The following TAOK3 variants were observed in gnomAD, a reference collection of about 807,000 sequenced individuals.
TAOK3 encodes serine/threonine-protein kinase TAO3.
TAOK3 carries 40 observed loss-of-function variants against 120.4 expected under a neutral mutation model. That is an observed-to-expected ratio of 0.33 (90% CI 0.26 to 0.43). The LOEUF is 0.43. Among genes scored for constraint, TAOK3 ranks in the 20% least tolerant of loss-of-function variants. The pLI is 1.00. For missense variants in TAOK3, 821 were observed against 1,112.1 expected (o/e 0.74, Z 3.72); for synonymous variants, 355 against 387.5 (o/e 0.92, Z 0.99).
intron 1 of TAOK3, among the ~76,000 whole-genome samples, chr12:118,300,074 T>A (rs1307688762): frequency 6.6e-6 from 1 of 152,246 alleles, no homozygotes; most frequent in Non-Finnish European, 1.5e-5. Context: ...CAATTGCTTC[T>A]GTGCTAGGTC....
intron 12 of TAOK3, 98 bp from the exon 13 acceptor site, chr12:118,199,355 G>T: frequency 1.0e-6 from 1 of 968,732 alleles, no homozygotes. Context: ...GCAGTGTCAA[G>T]TTGCTTTTCT....
At chr12:118,267,840 G>A (rs976594423) in intron 1 of TAOK3, among the ~76,000 whole-genome samples, 3 of 139,950 alleles carry the variant, frequency 2.1e-5, no homozygotes, top group Non-Finnish European at 3.0e-5. Context: ...AGCCGAGATC[G>A]CACCACTGCA....
rs532157371 is a variant in TAOK3 at position 118,241,004 on chromosome 12, T to G, written c.295-1732A>C. On this transcript the variant is annotated intron_variant, in intron 5 of 20. Coordinates refer to ENST00000392533, the MANE Select transcript of TAOK3 (RefSeq NM_016281.4). Reference sequence around the variant, plus strand: ...ATAAATATCAATATATATGAACATATTATAAATATAAGTATACTGTGTCTA... The same window carrying G: ...ATAAATATCAATATATATGAACATAGTATAAATATAAGTATACTGTGTCTA... 2.0e-5 allele frequency among the ~76,000 whole-genome samples: 3 copies of G among 149,338 alleles called. No homozygotes were observed. In the South Asian group the frequency reaches 6.3e-4, roughly 31 times the overall value.
intron 9 of TAOK3, among the ~76,000 whole-genome samples, chr12:118,224,324 AC>A (rs916915608): frequency 2.6e-4 from 39 of 152,300 alleles, no homozygotes; most frequent in Admixed American, 2.3e-3. Context: ...ACTAAATATA[AC>A]CCCTTCTCCC....
intron 9 of TAOK3, among the ~76,000 whole-genome samples, chr12:118,216,997 T>C (rs897321682): frequency 6.6e-6 from 1 of 151,932 alleles, no homozygotes; most frequent in South Asian, 2.1e-4. Context: ...CTCTTTCTAC[T>C]GTGCTTACCC....
chr12:118,292,434 T>C (rs965340748), intron 1 of TAOK3, among the ~76,000 whole-genome samples: 3 of 152,190 alleles, frequency 2.0e-5, no homozygotes, highest in African/African-American at 7.2e-5. Flanking sequence ...CCTAGTTTAA[T>C]GTAATCAACA....
intron 1 of TAOK3, among the ~76,000 whole-genome samples, chr12:118,312,400 C>T (rs889717321): frequency 6.6e-6 from 1 of 152,102 alleles, no homozygotes; most frequent in Admixed American, 6.6e-5. Flanking sequence ...ATAAACAATG[C>T]TAAGATTTTA....
At chr12:118,164,171 A>C (rs936382925) in intron 17 of TAOK3, among the ~76,000 whole-genome samples, 1 of 151,260 alleles carries the variant, frequency 6.6e-6, no homozygotes, top group African/African-American at 2.4e-5. Flanking sequence ...AAAATACAAA[A>C]AAAAAATTAG....
intron 1 of TAOK3, among the ~76,000 whole-genome samples, chr12:118,275,986 G>A (rs1161759317): frequency 6.6e-6 from 1 of 152,146 alleles, no homozygotes; most frequent in Non-Finnish European, 1.5e-5. Context: ...GCGTGGGTAA[G>A]GGAAAGTGAA....
chr12:118,348,504 G>A (rs1380397322), intron 1 of TAOK3, among the ~76,000 whole-genome samples: 2 of 151,026 alleles, frequency 1.3e-5, no homozygotes, highest in Admixed American at 1.3e-4. Flanking sequence ...AGGCTGGAGT[G>A]CAGTGGCACA....
intron 8 of TAOK3, among the ~76,000 whole-genome samples, chr12:118,234,408 C>T (rs2039932464): frequency 3.3e-5 from 5 of 151,138 alleles, no homozygotes. Context: ...CCATGCCTGA[C>T]TAATTTTTTG....
intron 5 of TAOK3, among the ~76,000 whole-genome samples, chr12:118,242,726 G>A (rs1050411450): frequency 1.6e-4 from 24 of 152,030 alleles, no homozygotes; most frequent in Admixed American, 1.6e-3. Flanking sequence ...TGGGTGTGGT[G>A]GCATGTGCCT....
intron 1 of TAOK3, among the ~76,000 whole-genome samples, chr12:118,368,843 A>G (rs140233595): frequency 1.3e-5 from 2 of 150,452 alleles, no homozygotes; most frequent in African/African-American, 4.8e-5. Context: ...AATGAAAAAA[A>G]AAAAGAAAAT....
At position 118,235,685 on chromosome 12, in the gene TAOK3, A is replaced by AG; in HGVS notation, c.438-15_438-14insC. The AG allele has an allele frequency of 6.4e-7, 1 of 1,553,874 alleles. No individual in the cohort carries two copies. Among genetic ancestry groups the AG allele is most frequent in the Non-Finnish European group, 8.8e-7 (1 of 1,132,540 alleles). On this transcript the variant is annotated splice_polypyrimidine_tract_variant and intron_variant, in intron 7 of 20. Transcript: ENST00000392533. ...GCTTTAATATCCCTATAGGAAAAAA[A>AG]AAAAGGGTTAGAAAATTACTTTTCA...
intron 1 of TAOK3, among the ~76,000 whole-genome samples, chr12:118,298,399 T>A (rs1354482000): frequency 1.3e-5 from 2 of 152,136 alleles, no homozygotes; most frequent in Non-Finnish European, 2.9e-5. Context: ...ATTGCAAGGC[T>A]CAAGATGAAG....
chr12:118,368,665 G>C (rs2045811307), intron 1 of TAOK3, among the ~76,000 whole-genome samples: 1 of 150,798 alleles, frequency 6.6e-6, no homozygotes, highest in Non-Finnish European at 1.5e-5. Flanking sequence ...CATTAGCCGG[G>C]TGTGGTGGCG....
At position 118,150,772 on chromosome 12, in the gene TAOK3, A is replaced by C. The variant is rs2034333880; in HGVS notation, c.*225T>G. 1.9e-6 allele frequency: 1 copy of C among 535,730 alleles called. No homozygotes were observed. Among genetic ancestry groups the C allele is most frequent in the Non-Finnish European group, 3.3e-6 (1 of 304,366 alleles). 33.2% of individuals were successfully genotyped at this position (535,730 alleles called of 1,614,324 possible). On this transcript the variant is annotated 3_prime_UTR_variant, in exon 21 of 21. Transcript: ENST00000392533. The stretch of plus-strand genomic sequence containing the variant: ...GTGACGTGTACTGTGAATAGAAGAG[A>C]CGGCCAGGTTTTGGCCAGCACTGAA...
intron 1 of TAOK3, among the ~76,000 whole-genome samples, chr12:118,317,265 C>CAAAA (rs970730677): frequency 6.4e-4 from 41 of 63,610 alleles, no homozygotes; most frequent in African/African-American, 2.1e-3. Context: ...AAGTTTGTCT[C>CAAAA]AAAAAAAAAA....
rs748056010 is a variant in TAOK3, at chr12:118,160,186, T to C, written c.2312A>G (p.Gln771Arg). The part of the protein sequence containing the change: ...QTRKLAILAE[Q>R]YEQSINEMMA... ...CATTTCATTTATACTCTGTTCATAC[T>C]GCTCTGCCAAAATGGCAAGTTTTCT... Residue 771 changes from glutamine to arginine, a missense_variant, in exon 19 of 21, where the codon CAG (glutamine) becomes CGG (arginine). Around this residue, in one of 2 missense-constraint regions of TAOK3, gnomAD observed 354 missense variants for 572.1 expected, o/e 0.62. Coordinates refer to ENST00000392533, the MANE Select transcript of TAOK3 (RefSeq NM_016281.4). The surrounding 1 kb of genome is among the most constrained non-coding windows in gnomAD (Gnocchi z 4.2). The C allele has an allele frequency of 6.2e-7, 1 of 1,614,250 alleles. No homozygotes were observed. Among genetic ancestry groups the C allele is most frequent in the Non-Finnish European group, 8.5e-7 (1 of 1,180,036 alleles).
Sources: gnomAD v4.1 joint callset for allele counts (sites outside exome capture counted in the v4.1 genomes callset) on GRCh38, gnomAD v4.1.1 for gene constraint, gnomAD v4.1.1 regional missense constraint, Gnocchi (gnomAD v3.1) non-coding constraint, MANE v1.5 for transcripts, NCBI Gene and HGNC (gene_info 2026-07-23, HGNC 2026-07-21) for gene names.